Variants in CREB3L2 observed in about 807,000 individuals in gnomAD.
CREB3L2 encodes cyclic AMP-responsive element-binding protein 3-like protein 2.
A neutral mutation model predicts 57.2 loss-of-function variants in CREB3L2; 23 were observed. That is an observed-to-expected ratio of 0.40 (90% CI 0.29 to 0.57). The LOEUF (loss-of-function observed/expected upper bound fraction) is 0.57. CREB3L2 is among the 20% of genes least tolerant of loss of function. The probability of loss-of-function intolerance (pLI) is 0.42; values close to 1 mark genes in which losing one functional copy is unlikely to be tolerated. For synonymous variants in CREB3L2, 268 were observed against 265.1 expected, an observed-to-expected ratio of 1.01 and a Z score of -0.11; for missense variants, 628 against 634.7, an observed-to-expected ratio of 0.99 and a Z score of 0.11.
chr7:137,950,112 G>T (rs1463310476), intron 1 of CREB3L2, among the ~76,000 whole-genome samples: 1 of 150,798 alleles, frequency 6.6e-6, no homozygotes, highest in Admixed American at 6.6e-5. Context: ...GGAAGGGGTA[G>T]AACTAGGAAA....
chr7:137,969,892 T>G (rs1165838989), intron 1 of CREB3L2, among the ~76,000 whole-genome samples: 7 of 152,166 alleles, frequency 4.6e-5, no homozygotes, highest in African/African-American at 1.7e-4. Flanking sequence ...GACTGTATTA[T>G]TTTTACAACC....
At chr7:137,979,628 A>G (rs1801677417) in intron 1 of CREB3L2, among the ~76,000 whole-genome samples, 1 of 152,174 alleles carries the variant, frequency 6.6e-6, no homozygotes. Context: ...CGGGAGGCTG[A>G]GGCAGGAGAA....
intron 2 of CREB3L2, among the ~76,000 whole-genome samples, chr7:137,920,923 T>G (rs273950): frequency 1.3e-5 from 2 of 152,058 alleles, no homozygotes; most frequent in African/African-American, 2.4e-5. Flanking sequence ...ATGTAATCTA[T>G]GAAGTGAGGG....
chr7:137,966,614 A>G (rs960186155), intron 1 of CREB3L2, among the ~76,000 whole-genome samples: 2 of 152,232 alleles, frequency 1.3e-5, no homozygotes, highest in African/African-American at 4.8e-5. Context: ...AGGAAATAAC[A>G]TATTTTGCCT....
At chr7:137,940,384 T>G (rs1380346095) in intron 1 of CREB3L2, among the ~76,000 whole-genome samples, 1 of 152,226 alleles carries the variant, frequency 6.6e-6, no homozygotes, top group Non-Finnish European at 1.5e-5. Context: ...ACTCTGCCAT[T>G]CATTCCAGAA....
intron 1 of CREB3L2, among the ~76,000 whole-genome samples, chr7:137,951,126 G>A (rs570545667): frequency 1.3e-4 from 20 of 152,308 alleles, no homozygotes; most frequent in African/African-American, 2.2e-4. Context: ...AGGCTATTAC[G>A]CAGGTTCCTT....
At chr7:137,927,150 C>T (rs1800484535) in intron 2 of CREB3L2, among the ~76,000 whole-genome samples, 1 of 149,258 alleles carries the variant, frequency 6.7e-6, no homozygotes, top group Non-Finnish European at 1.5e-5. Context: ...CAGAGCAAGA[C>T]CCTGTCTAAA....
chr7:137,912,713 G>T, intron 4 of CREB3L2: 3 of 791,902 alleles, frequency 3.8e-6, no homozygotes, highest in Non-Finnish European at 5.9e-6. Context: ...TGTAGTAGCA[G>T]TCCATAAAAG....
chr7:137,947,701 C>A (rs554000455), intron 1 of CREB3L2, among the ~76,000 whole-genome samples: 15 of 152,236 alleles, frequency 9.9e-5, no homozygotes, highest in African/African-American at 3.6e-4. Context: ...TAGCCAAGAC[C>A]AAGTTGAGTT....
At chr7:137,952,678 T>G (rs1022472293) in intron 1 of CREB3L2, among the ~76,000 whole-genome samples, 11 of 152,222 alleles carry the variant, frequency 7.2e-5, no homozygotes, top group African/African-American at 2.7e-4. Flanking sequence ...AAGGAAGTGC[T>G]CAGTAAGTAT....
chr7:137,893,007 A>G (rs1267687550), intron 8 of CREB3L2, among the ~76,000 whole-genome samples: 1 of 152,236 alleles, frequency 6.6e-6, no homozygotes, highest in Non-Finnish European at 1.5e-5. Flanking sequence ...AACCTTGAGT[A>G]AATACCTATA....
At chr7:137,881,716 AAC>A (rs1799296065) in intron 11 of CREB3L2, among the ~76,000 whole-genome samples, 1 of 152,200 alleles carries the variant, frequency 6.6e-6, no homozygotes, top group Non-Finnish European at 1.5e-5. Context: ...TGTCACACGT[AAC>A]CAGGAGCATG....
chr7:137,984,721 T>TA (rs1350265249), intron 1 of CREB3L2, among the ~76,000 whole-genome samples: 1 of 152,180 alleles, frequency 6.6e-6, no homozygotes, highest in Non-Finnish European at 1.5e-5. Flanking sequence ...TTGGGTCGAG[T>TA]AATAGTTCCT....
intron 1 of CREB3L2, among the ~76,000 whole-genome samples, chr7:137,995,315 T>C (rs929390785): frequency 8.2e-6 from 1 of 122,560 alleles, no homozygotes; most frequent in Non-Finnish European, 1.7e-5. Flanking sequence ...GCTCTATTTC[T>C]TTTTTTTTCT....
At chr7:137,914,430 G>A (rs1241795447) in intron 3 of CREB3L2, among the ~76,000 whole-genome samples, 6 of 152,024 alleles carry the variant, frequency 3.9e-5, no homozygotes, top group African/African-American at 4.8e-5. Context: ...TCAGGAGTTC[G>A]AGACCAGCGT....
At chr7:137,993,140 C>T (rs1261822162) in intron 1 of CREB3L2, among the ~76,000 whole-genome samples, 2 of 152,226 alleles carry the variant, frequency 1.3e-5, no homozygotes, top group Admixed American at 1.3e-4. Context: ...ATGTCAGACT[C>T]CTAAGGTTGG....
chr7:137,997,727 AAAAATAAAATAAAAT>A lies in CREB3L2; in HGVS notation c.102+3862_102+3876del, dbSNP rs34954362. ...TGGGTGTCAGAACAAGACCCATCTC[AAAAATAAAATAAAAT>A]AAAATAAAATAAAATAGAAATTACA... On this transcript the variant is annotated intron_variant, in intron 1 of 11. Transcript: ENST00000330387. Among the ~76,000 whole-genome samples the A allele has an allele frequency of 7.0e-3, 1,057 of 150,182 alleles. 14 individuals are homozygous for A. Among genetic ancestry groups the A allele is most frequent in the African/African-American group, 0.025 (1,013 of 40,750 alleles).
chr7:137,893,562 G>A (rs1263855746), intron 8 of CREB3L2, among the ~76,000 whole-genome samples: 1 of 152,122 alleles, frequency 6.6e-6, no homozygotes, highest in African/African-American at 2.4e-5. Context: ...ATAGTGTGTA[G>A]GGAACAAATA....
intron 1 of CREB3L2, among the ~76,000 whole-genome samples, chr7:138,000,147 G>A (rs960321138): frequency 1.3e-5 from 2 of 152,190 alleles, no homozygotes; most frequent in Non-Finnish European, 2.9e-5. Context: ...TGCAGCTGCT[G>A]GATGAGACAC....
Sources: allele counts gnomAD v4.1 joint callset (sites outside exome capture counted in the v4.1 genomes callset), GRCh38; gene constraint gnomAD v4.1.1; transcripts MANE v1.5; gene names NCBI Gene and HGNC (gene_info 2026-07-23, HGNC 2026-07-21).